Variants in LPIN2 observed in about 807,000 individuals in gnomAD.
The protein encoded by LPIN2 is phosphatidate phosphatase LPIN2.
LPIN2 carries 55 observed loss-of-function variants against 111.4 expected under a neutral mutation model. The ratio of observed to expected loss-of-function variants is 0.49; its 90% CI spans 0.40 to 0.62. The LOEUF is 0.62. Among genes scored for constraint, LPIN2 ranks in the 20% least tolerant of loss-of-function variants. The pLI is 0.00. For missense variants in LPIN2, 992 were observed against 1,112.1 expected (o/e 0.89, Z 1.54); for synonymous variants, 425 against 414.0 (o/e 1.03, Z -0.32).
At chr18:2,983,727 T>C (rs1320405888) in intron 1 of LPIN2, among the ~76,000 whole-genome samples, 4 of 152,158 alleles carry the variant, frequency 2.6e-5, no homozygotes, top group Non-Finnish European at 4.4e-5. Context: ...TTCTAATATA[T>C]ACTACATGTT....
chr18:2,926,236 A>C (rs2077128461), intron 13 of LPIN2, among the ~76,000 whole-genome samples: 1 of 152,220 alleles, frequency 6.6e-6, no homozygotes, highest in Non-Finnish European at 1.5e-5. Flanking sequence ...TGAGACAGCC[A>C]AGGGCTGGGA....
chr18:3,009,922 A>AAAAT (rs1242667014), intron 1 of LPIN2, among the ~76,000 whole-genome samples: 2 of 152,242 alleles, frequency 1.3e-5, no homozygotes, highest in Non-Finnish European at 2.9e-5. Context: ...ATCTTGTATT[A>AAAAT]AAACACAGTT....
chr18:2,974,717 T>C (rs2077981085), intron 1 of LPIN2, among the ~76,000 whole-genome samples: 1 of 152,190 alleles, frequency 6.6e-6, no homozygotes, highest in African/African-American at 2.4e-5. Context: ...TTAGGCTGCG[T>C]GCGTTGGCTC....
At chr18:2,928,892 T>C (rs1289777430) in intron 10 of LPIN2, among the ~76,000 whole-genome samples, 173 bp downstream of exon 10, 1 of 152,250 alleles carries the variant, frequency 6.6e-6, no homozygotes, top group Admixed American at 6.5e-5. Flanking sequence ...TCAATGCTTC[T>C]TTTAAAAATA....
Position 2,917,573 on chromosome 18 carries a change from T to C in LPIN2, c.*2720A>G, listed in dbSNP as rs1306453584. The C allele has an allele frequency of 6.6e-6, 1 of 152,234 alleles. No homozygotes were observed. Among genetic ancestry groups the C allele is most frequent in the Non-Finnish European group, 1.5e-5 (1 of 68,058 alleles). The allele number at this position is 152,234 out of a possible 1,614,324, so 9.4% of individuals were successfully genotyped here. On this transcript the variant is annotated 3_prime_UTR_variant, in exon 20 of 20. Coordinates refer to ENST00000677752, the MANE Select transcript of LPIN2 (RefSeq NM_001375808.2). ...GTTCTGTGACTTTGAGCAGCTTTCA[T>C]TTTAGGACATCCCATTTTTAAGTTT... is the stretch of plus-strand genomic sequence containing the variant.
Position 2,931,437 on chromosome 18 carries a change from C to G in LPIN2, c.1275G>C (p.Ser425=). 6.3e-7 allele frequency: 1 copy of G among 1,585,966 alleles called. No homozygotes were observed. Among genetic ancestry groups the G allele is most frequent in the Non-Finnish European group, 8.6e-7 (1 of 1,165,984 alleles). Residue 425 remains serine, a synonymous_variant, in exon 9 of 20, where the codon TCG becomes TCC. Coordinates refer to ENST00000677752, the MANE Select transcript of LPIN2 (RefSeq NM_001375808.2). ...CGGGCCACTGCCTGGAACCGGGCTC[C>G]GATTCACTGTGGACAGGGGATGGGG... The part of the protein sequence containing the change: ...VAALYFPKSE[S]EPGSRQWPES...
chr18:2,936,664 T>C (rs2077290039), intron 7 of LPIN2, among the ~76,000 whole-genome samples: 1 of 152,202 alleles, frequency 6.6e-6, no homozygotes, highest in Admixed American at 6.5e-5. Flanking sequence ...CATTGCAACC[T>C]CTGCCCCAGG....
Position 2,925,296 on chromosome 18 carries a change from G to A in LPIN2, c.1866C>T (p.Ile622=). ...ELEESITVDP[I]PTEPLSHGST... is the part of the protein sequence containing the mutation. ...TGCCGTGGCTCAGGGGCTCTGTGGG[G>A]ATGGGGTCCACTGTGATGGATTCTT... is the stretch of plus-strand genomic sequence containing the variant. Residue 622 remains isoleucine, a synonymous_variant, in exon 14 of 20, where the codon ATC becomes ATT. Coordinates refer to ENST00000677752, the MANE Select transcript of LPIN2 (RefSeq NM_001375808.2). This position sits in a 1 kb window ranked among gnomAD's most constrained non-coding sequence, Gnocchi z 4.1. The A allele has an allele frequency of 1.2e-6, 2 of 1,614,174 alleles. No homozygotes were observed. Among genetic ancestry groups the A allele is most frequent in the East Asian group, 2.2e-5 (1 of 44,882 alleles).
chr18:2,948,522 T>C (rs1326325501), intron 4 of LPIN2: 1 of 152,260 alleles, frequency 6.6e-6, no homozygotes, highest in Non-Finnish European at 1.5e-5. Flanking sequence ...TCCCAAGCTG[T>C]AGGTTGTTCA....
At chr18:2,977,255 A>G (rs1347810444) in intron 1 of LPIN2, 4 of 152,058 alleles carry the variant, frequency 2.6e-5, no homozygotes, top group Non-Finnish European at 4.4e-5. Flanking sequence ...CCTAGAGAGG[A>G]AGCTAAAATG....
chr18:2,929,041 A>G, intron 10 of LPIN2, 24 bp downstream of exon 10: 4 of 1,405,798 alleles, frequency 2.8e-6, no homozygotes, highest in Non-Finnish European at 4.0e-6. Context: ...AGTATTTAAC[A>G]ATTATAAAAG....
chr18:2,991,878 C>T (rs1231596613), intron 1 of LPIN2, among the ~76,000 whole-genome samples: 1 of 151,868 alleles, frequency 6.6e-6, no homozygotes, highest in Non-Finnish European at 1.5e-5. Flanking sequence ...GGCGTGGTGG[C>T]GTGCACCTGT....
chr18:3,007,257 C>T (rs1392639281), intron 1 of LPIN2, among the ~76,000 whole-genome samples: 4 of 152,082 alleles, frequency 2.6e-5, no homozygotes, highest in African/African-American at 9.7e-5. Flanking sequence ...CTGCAAGCTC[C>T]GCCTCCCAGG....
rs1219976987 is a variant in LPIN2 at position 2,934,520 on chromosome 18, C to A, written c.1169-70G>T. 5.3e-6 allele frequency: 5 copies of A among 952,344 alleles called. No homozygotes were observed. In the Admixed American group the frequency reaches 5.3e-5, roughly 10 times the overall value. 59.0% of individuals were successfully genotyped at this position (952,344 alleles called of 1,614,324 possible). On this transcript the variant is annotated intron_variant, in intron 7 of 19. Coordinates refer to ENST00000677752, the MANE Select transcript of LPIN2 (RefSeq NM_001375808.2). Reference sequence around the variant, plus strand: ...TTTACAGCTCTGCAAAACACACGCACGTTTGCAAACAGTAAGAGTGACAAG... The same window carrying A: ...TTTACAGCTCTGCAAAACACACGCAAGTTTGCAAACAGTAAGAGTGACAAG...
intron 1 of LPIN2, among the ~76,000 whole-genome samples, chr18:2,987,774 G>A (rs370511612): frequency 6.6e-6 from 1 of 151,750 alleles, no homozygotes. Flanking sequence ...AGAAACGAAC[G>A]GCTGCTGTAA....
chr18:2,935,207 A>C (rs191886048), intron 7 of LPIN2, among the ~76,000 whole-genome samples: 1 of 152,334 alleles, frequency 6.6e-6, no homozygotes, highest in African/African-American at 2.4e-5. Context: ...TACATATTAA[A>C]ATTATATTTT....
At chr18:2,954,323 A>C (rs933168660) in intron 3 of LPIN2, among the ~76,000 whole-genome samples, 181 bp downstream of exon 3, 1 of 152,184 alleles carries the variant, frequency 6.6e-6, no homozygotes, top group Non-Finnish European at 1.5e-5. Context: ...ATGGAGAAAA[A>C]TTCCTCATCC....
intron 1 of LPIN2, among the ~76,000 whole-genome samples, chr18:2,983,896 G>C (rs555280842): frequency 6.6e-6 from 1 of 151,820 alleles, no homozygotes; most frequent in Non-Finnish European, 1.5e-5. Context: ...CTAAGGCCCC[G>C]AGACAATCTT....
chr18:2,954,481 G>C (rs199524846), intron 3 of LPIN2, 23 bp downstream of exon 3: 3 of 1,549,682 alleles, frequency 1.9e-6, no homozygotes, highest in Admixed American at 1.7e-5. Flanking sequence ...TGTGTAAGGA[G>C]GGTGTAACCC....
Sources: gnomAD v4.1 joint callset for allele counts (sites outside exome capture counted in the v4.1 genomes callset) on GRCh38, gnomAD v4.1.1 for gene constraint, Gnocchi (gnomAD v3.1) non-coding constraint, MANE v1.5 for transcripts, NCBI Gene and HGNC (gene_info 2026-07-23, HGNC 2026-07-21) for gene names.